TBCE: variants seen among roughly 807,000 people sequenced by gnomAD.
The protein encoded by TBCE is tubulin folding cofactor E, also known as tubulin-specific chaperone E.
In TBCE, 53 loss-of-function variants were observed where a neutral mutation model predicts 77.0. The ratio of observed to expected loss-of-function variants is 0.69; its 90% CI spans 0.55 to 0.87. The LOEUF (loss-of-function observed/expected upper bound fraction) is 0.87, where lower values mean the gene tolerates loss of function less well. Ranked by LOEUF, TBCE falls within the 40% of genes least tolerant of loss-of-function variation. TBCE has a pLI of 0.00. For synonymous variants in TBCE, 235 were observed against 241.3 expected, an observed-to-expected ratio of 0.97 and a Z score of 0.24; for missense variants, 624 against 622.4, an observed-to-expected ratio of 1.00 and a Z score of -0.03.
intron 2 of TBCE, among the ~76,000 whole-genome samples, chr1:235,381,456 G>A (rs1475483471): frequency 1.3e-5 from 2 of 151,826 alleles, no homozygotes; most frequent in Admixed American, 6.6e-5. Flanking sequence ...AGGCCAAGGC[G>A]GGCGGATCAC....
chr1:235,373,907 C>A (rs1167557801), intron 1 of TBCE, among the ~76,000 whole-genome samples: 1 of 145,882 alleles, frequency 6.9e-6, no homozygotes, highest in Non-Finnish European at 1.5e-5. Context: ...CCTCGGCCTC[C>A]CAAAGTGCTG....
At position 235,450,222 on chromosome 1, in the gene TBCE, C is replaced by T. The variant is rs111541487; in HGVS notation, c.*1460C>T. The T allele has an allele frequency of 4.6e-5, 74 of 1,614,102 alleles. 3 individuals carry two copies. The African/African-American group carries it at 6.3e-4, about 14-fold the overall frequency. ...AAGTCCCTGTTATCTTGCTTGACAT[C>T]GACAAGGATCACCGCACCGTTCCTT... On this transcript the variant is annotated 3_prime_UTR_variant, in exon 17 of 17. Coordinates refer to ENST00000642610, the MANE Select transcript of TBCE (RefSeq NM_003193.5).
rs754180159 is a variant in TBCE at position 235,449,020 on chromosome 1, C to CATG, written c.*261_*263dup. On this transcript the variant is annotated 3_prime_UTR_variant, in exon 17 of 17. Coordinates refer to ENST00000642610, the MANE Select transcript of TBCE (RefSeq NM_003193.5). ...ATTTTTACAGCTCATCACTGCATTT[C>CATG]ATGATAAGATTTAAATATTAAATAG... is the stretch of plus-strand genomic sequence containing the variant. The CATG allele has an allele frequency of 2.9e-5, 11 of 384,286 alleles. No individual in the cohort carries two copies. The highest frequency in any genetic ancestry group is 4.4e-5 in the Non-Finnish European group (9 of 204,178). 23.8% of individuals were successfully genotyped at this position (384,286 alleles called of 1,614,324 possible).
intron 1 of TBCE, among the ~76,000 whole-genome samples, chr1:235,370,540 T>C (rs142113991): frequency 0.02 from 2,861 of 146,248 alleles, 28 homozygotes; most frequent in African/African-American, 0.026. Context: ...CGTGAGCCAC[T>C]GCACCCGGCA....
intron 7 of TBCE, among the ~76,000 whole-genome samples, 155 bp downstream of exon 7, chr1:235,430,959 T>G (rs1681049816): frequency 6.6e-6 from 1 of 152,236 alleles, no homozygotes; most frequent in Non-Finnish European, 1.5e-5. Flanking sequence ...TAAAGTGCCT[T>G]ATAAAAACGA....
chr1:235,438,311 G>A (rs1681594422), intron 12 of TBCE, among the ~76,000 whole-genome samples: 1 of 152,194 alleles, frequency 6.6e-6, no homozygotes, highest in South Asian at 2.1e-4. Context: ...ACTTTGGGAG[G>A]CCGAGGTTGG....
chr1:235,426,938 G>A (rs1464152291), intron 5 of TBCE, among the ~76,000 whole-genome samples: 5 of 152,264 alleles, frequency 3.3e-5, no homozygotes, highest in African/African-American at 4.8e-5. Flanking sequence ...GAGCCACCGC[G>A]CCTGGCCTCA....
intron 4 of TBCE, 82 bp downstream of exon 4, chr1:235,414,700 A>T: frequency 7.2e-7 from 1 of 1,390,560 alleles, no homozygotes; most frequent in Non-Finnish European, 1.0e-6. Flanking sequence ...CTGTATATGG[A>T]TGCTCATGAC....
intron 4 of TBCE, among the ~76,000 whole-genome samples, chr1:235,417,711 C>T (rs1267305989): frequency 6.6e-6 from 1 of 152,108 alleles, no homozygotes; most frequent in Non-Finnish European, 1.5e-5. Flanking sequence ...AGTTTGGGAC[C>T]CTCTAACCTT....
chr1:235,389,018 T>G (rs901891320), intron 2 of TBCE, among the ~76,000 whole-genome samples: 2 of 152,190 alleles, frequency 1.3e-5, no homozygotes, highest in African/African-American at 4.8e-5. Context: ...CAAGATGCTT[T>G]CTACAGTAGA....
intron 3 of TBCE, among the ~76,000 whole-genome samples, chr1:235,409,240 A>AATT (rs767437255): frequency 4.6e-5 from 7 of 152,126 alleles, no homozygotes; most frequent in Non-Finnish European, 7.4e-5. Flanking sequence ...CAGCATGTGT[A>AATT]ATTGGTAGGC....
At chr1:235,381,787 TC>T (rs1677671217) in intron 2 of TBCE, among the ~76,000 whole-genome samples, 1 of 151,510 alleles carries the variant, frequency 6.6e-6, no homozygotes, top group Non-Finnish European at 1.5e-5. Flanking sequence ...TTCTTTTTTT[TC>T]TTTTTTTAAT....
intron 1 of TBCE, among the ~76,000 whole-genome samples, chr1:235,373,507 G>A (rs931649549): frequency 6.6e-6 from 1 of 151,820 alleles, no homozygotes; most frequent in African/African-American, 2.4e-5. Context: ...GCAATGGCAC[G>A]ATCTTGGCTC....
At chr1:235,368,829 G>A (rs1411934860) in intron 1 of TBCE, among the ~76,000 whole-genome samples, 1 of 151,682 alleles carries the variant, frequency 6.6e-6, no homozygotes, top group African/African-American at 2.4e-5. Flanking sequence ...GCCTCCCAAA[G>A]TGCTGGGGCT....
chr1:235,419,342 G>T, intron 4 of TBCE, 131 bp from the exon 5 acceptor site: 1 of 1,278,160 alleles, frequency 7.8e-7, no homozygotes, highest in East Asian at 2.5e-5. Flanking sequence ...TCTTAATTTG[G>T]GTGGTGGTTA....
intron 8 of TBCE, among the ~76,000 whole-genome samples, chr1:235,435,016 C>A (rs1378780088): frequency 2.6e-5 from 4 of 151,890 alleles, no homozygotes; most frequent in African/African-American, 9.7e-5. Flanking sequence ...GGAAAATTTA[C>A]AACAGATTCT....
chr1:235,420,837 G>T (rs1258935268), intron 5 of TBCE, among the ~76,000 whole-genome samples: 3 of 152,130 alleles, frequency 2.0e-5, no homozygotes, highest in African/African-American at 7.2e-5. Flanking sequence ...CATTGGCGAG[G>T]CTGGTCACGA....
chr1:235,437,476 T>C lies in TBCE; in HGVS notation c.1116+2T>C. On this transcript the variant is annotated splice_donor_variant, in intron 12 of 16. Transcript: ENST00000642610. LOFTEE classifies it high-confidence loss of function. ...CTGAAGACGCTGAACAAATGTGAGG[T>C]GAGCACTGGCGTCATGACTAGATAT... 6.2e-7 allele frequency: 1 copy of C among 1,613,794 alleles called. No individual in the cohort carries two copies. Among genetic ancestry groups the C allele is most frequent in the Non-Finnish European group, 8.5e-7 (1 of 1,179,864 alleles).
intron 5 of TBCE, among the ~76,000 whole-genome samples, chr1:235,426,124 A>C (rs1381126771): frequency 6.6e-6 from 1 of 152,204 alleles, no homozygotes; most frequent in African/African-American, 2.4e-5. Flanking sequence ...CTCCTCCAGT[A>C]GCTGGCCCGG....
Sources: gnomAD v4.1 joint callset for allele counts (sites outside exome capture counted in the v4.1 genomes callset) on GRCh38, gnomAD v4.1.1 for gene constraint, MANE v1.5 for transcripts, NCBI Gene and HGNC (gene_info 2026-07-23, HGNC 2026-07-21) for gene names.